Variants in PVT1 observed in about 807,000 individuals in gnomAD.
The protein encoded by PVT1 is Pvt1 oncogene.
At chr8:128,059,424 G>T (rs1042397384) in intron 4 of PVT1, among the ~76,000 whole-genome samples, 13 of 152,134 alleles carry the variant, frequency 8.5e-5, no homozygotes, top group African/African-American at 3.1e-4. Flanking sequence ...TACAATCCTA[G>T]TGTGAAAAAT....
Position 127,822,347 on chromosome 8 carries a change from A to T in PVT1, n.372+26276A>T, listed in dbSNP as rs141438530. Among the ~76,000 whole-genome samples, 6 of 152,326 alleles carry T rather than the reference A, an allele frequency of 3.9e-5. No homozygotes were observed. The East Asian group carries it at 1.2e-3, about 29-fold the overall frequency. The stretch of plus-strand genomic sequence containing the variant: ...AATCCCAGCACTTTGGGAGGCCAAG[A>T]CGAGCGGATAGTTGAGATCAGAAGT... On this transcript the variant is annotated intron_variant and non_coding_transcript_variant, in intron 2 of 10. Transcript: ENST00000651587.
intron 3 of PVT1, among the ~76,000 whole-genome samples, chr8:127,988,645 C>T (rs1435756411): frequency 6.6e-6 from 1 of 152,212 alleles, no homozygotes; most frequent in Non-Finnish European, 1.5e-5. Flanking sequence ...TACTAGATGA[C>T]AGTGTTGGGC....
At chr8:127,882,908 T>C (rs1413213972) in intron 2 of PVT1, among the ~76,000 whole-genome samples, 1 of 152,074 alleles carries the variant, frequency 6.6e-6, no homozygotes, top group Non-Finnish European at 1.5e-5. Context: ...CTCAGAGGTG[T>C]TATAATTAAC....
intron 3 of PVT1, among the ~76,000 whole-genome samples, chr8:127,942,809 C>G: frequency 6.6e-6 from 1 of 152,316 alleles, no homozygotes; most frequent in South Asian, 2.1e-4. Context: ...ACTCTCCTGT[C>G]CTGGGTACTC....
chr8:127,930,283 A>G (rs1007005968), intron 3 of PVT1, among the ~76,000 whole-genome samples: 3 of 152,138 alleles, frequency 2.0e-5, no homozygotes, highest in African/African-American at 7.2e-5. Context: ...CAGCCTCCCA[A>G]TTAGCTGGGA....
intron 3 of PVT1, among the ~76,000 whole-genome samples, chr8:127,957,875 C>T (rs1032335670): frequency 3.3e-5 from 5 of 152,338 alleles, no homozygotes; most frequent in Admixed American, 1.3e-4. Flanking sequence ...GCTTCCCTGC[C>T]GTGCCTCGTT....
At chr8:128,018,717 G>T (rs937996416) in intron 4 of PVT1, among the ~76,000 whole-genome samples, 2 of 152,192 alleles carry the variant, frequency 1.3e-5, no homozygotes, top group Non-Finnish European at 2.9e-5. Flanking sequence ...AGCCCTGTGT[G>T]CTAGGATGAG....
intron 2 of PVT1, among the ~76,000 whole-genome samples, chr8:127,850,252 C>T (rs539635022): frequency 3.9e-5 from 6 of 152,198 alleles, no homozygotes; most frequent in African/African-American, 9.6e-5. Context: ...GAGGACCTAG[C>T]GGTCGGTCTG....
rs553071270 is a variant in PVT1 at position 127,915,024 on chromosome 8, C to A, written n.782+24026C>A. Among the ~76,000 whole-genome samples the A allele has an allele frequency of 7.9e-5, 12 of 151,958 alleles. No individual in the cohort carries two copies. In the East Asian group the frequency reaches 2.3e-3, roughly 30 times the overall value. On this transcript the variant is annotated intron_variant and non_coding_transcript_variant, in intron 3 of 10. Coordinates refer to ENST00000651587, the Ensembl canonical transcript of PVT1. Reference sequence around the variant, plus strand: ...ATTTTTGGTAGAGATGGGGTTTCACCATGTTGGCCAGGCTGGTCTCAAACT... The same window carrying A: ...ATTTTTGGTAGAGATGGGGTTTCACAATGTTGGCCAGGCTGGTCTCAAACT...
intron 3 of PVT1, among the ~76,000 whole-genome samples, chr8:127,967,366 G>A (rs1309274445): frequency 2.0e-5 from 3 of 152,210 alleles, no homozygotes; most frequent in East Asian, 1.9e-4. Context: ...TTAGTCCCAC[G>A]AAGGCTGCGC....
intron 4 of PVT1, among the ~76,000 whole-genome samples, chr8:128,032,046 A>G (rs1257211323): frequency 6.6e-6 from 1 of 152,222 alleles, no homozygotes; most frequent in Non-Finnish European, 1.5e-5. Flanking sequence ...TCATGTAGCA[A>G]TCTGCTTCTT....
At chr8:127,894,588 A>G (rs899592995) in intron 3 of PVT1, among the ~76,000 whole-genome samples, 1 of 152,234 alleles carries the variant, frequency 6.6e-6, no homozygotes, top group Admixed American at 6.5e-5. Context: ...TGTTATAGAT[A>G]AGAATAAAAA....
chr8:127,914,375 T>A (rs1313816490), intron 3 of PVT1, among the ~76,000 whole-genome samples: 3 of 148,540 alleles, frequency 2.0e-5, no homozygotes, highest in African/African-American at 7.4e-5. Context: ...GAATGTAAGA[T>A]GATACAGTCT....
At chr8:127,862,693 T>G (rs1424228669) in intron 2 of PVT1, among the ~76,000 whole-genome samples, 1 of 152,138 alleles carries the variant, frequency 6.6e-6, no homozygotes, top group African/African-American at 2.4e-5. Flanking sequence ...GAATTATGGG[T>G]TGAGCCATAG....
intron 4 of PVT1, among the ~76,000 whole-genome samples, chr8:128,014,752 G>C (rs928838694): frequency 6.6e-6 from 1 of 152,160 alleles, no homozygotes; most frequent in Non-Finnish European, 1.5e-5. Flanking sequence ...AGTTCTAGAT[G>C]GACTGAACCT....
chr8:128,036,043 C>A (rs1358237470), intron 4 of PVT1, among the ~76,000 whole-genome samples: 2 of 152,190 alleles, frequency 1.3e-5, no homozygotes, highest in East Asian at 3.9e-4. Context: ...GGAACTAATA[C>A]AATGTGTCCT....
At chr8:127,861,215 C>T (rs140395616) in intron 2 of PVT1, among the ~76,000 whole-genome samples, 1 of 152,300 alleles carries the variant, frequency 6.6e-6, no homozygotes, top group East Asian at 1.9e-4. Context: ...AACTAACTAT[C>T]CTTTTTTATT....
chr8:127,848,313 A>C (rs1370133250), intron 2 of PVT1, among the ~76,000 whole-genome samples: 1 of 152,160 alleles, frequency 6.6e-6, no homozygotes, highest in African/African-American at 2.4e-5. Context: ...GCTACTGGGG[A>C]GGCTGAGGCA....
chr8:127,919,008 G>T (rs1362064437), intron 3 of PVT1, among the ~76,000 whole-genome samples: 2 of 152,134 alleles, frequency 1.3e-5, no homozygotes, highest in Non-Finnish European at 2.9e-5. Flanking sequence ...GATCGTTGGG[G>T]CTGTCCTGAC....
Sources: allele counts gnomAD v4.1 joint callset (sites outside exome capture counted in the v4.1 genomes callset), GRCh38; gene constraint gnomAD v4.1.1; transcripts MANE v1.5; gene names NCBI Gene and HGNC (gene_info 2026-07-23, HGNC 2026-07-21).